Variants in FSHR observed in about 807,000 individuals in gnomAD.
FSHR encodes the protein follicle stimulating hormone receptor.
A neutral mutation model predicts 52.1 loss-of-function variants in FSHR; 46 were observed. The observed-to-expected ratio is 0.88, with a 90% CI of 0.70 to 1.13. The LOEUF is 1.13. Among genes scored for constraint, FSHR ranks in the 50% most tolerant of loss-of-function variants. FSHR has a pLI of 0.00. For missense variants in FSHR, 964 were observed against 834.6 expected (o/e 1.16, Z -1.91); for synonymous variants, 399 against 309.6 (o/e 1.29, Z -3.03).
intron 2 of FSHR, among the ~76,000 whole-genome samples, chr2:49,065,577 C>T (rs1035128047): frequency 2.6e-5 from 4 of 152,050 alleles, no homozygotes; most frequent in Non-Finnish European, 5.9e-5. Flanking sequence ...TAAGCTAGTT[C>T]TGAATATGTT....
At chr2:49,003,909 G>A (rs1666994041) in intron 4 of FSHR, among the ~76,000 whole-genome samples, 4 of 152,076 alleles carry the variant, frequency 2.6e-5, no homozygotes. Context: ...GAGATGGGTA[G>A]CTCTCAATGT....
At chr2:49,078,533 A>G (rs1249303388) in intron 1 of FSHR, among the ~76,000 whole-genome samples, 1 of 152,222 alleles carries the variant, frequency 6.6e-6, no homozygotes, top group Non-Finnish European at 1.5e-5. Flanking sequence ...AATAAATAAT[A>G]CATTATTATC....
chr2:49,071,431 ATCAT>A, intron 1 of FSHR, among the ~76,000 whole-genome samples: 1 of 152,306 alleles, frequency 6.6e-6, no homozygotes, highest in Non-Finnish European at 1.5e-5. Flanking sequence ...AATGTAGAAA[ATCAT>A]TCAAATGTGA....
intron 1 of FSHR, among the ~76,000 whole-genome samples, chr2:49,134,513 C>T (rs1366763138): frequency 6.6e-6 from 1 of 152,126 alleles, no homozygotes; most frequent in Non-Finnish European, 1.5e-5. Flanking sequence ...GTGGTGATTC[C>T]TCAGGGATCT....
At chr2:49,019,042 TAAA>T (rs2104216522) in intron 3 of FSHR, among the ~76,000 whole-genome samples, 1 of 152,364 alleles carries the variant, frequency 6.6e-6, no homozygotes, top group African/African-American at 2.4e-5. Flanking sequence ...TCTTCATCTG[TAAA>T]ATTAGGAGGT....
At chr2:48,997,452 C>G (rs1676072967) in intron 4 of FSHR, 1 of 916,768 alleles carries the variant, frequency 1.1e-6, no homozygotes, top group Non-Finnish European at 1.3e-6. Context: ...ACCTAGCATC[C>G]TAGATTTGCA....
chr2:49,145,442 C>T (rs925776295), intron 1 of FSHR, among the ~76,000 whole-genome samples: 2 of 151,978 alleles, frequency 1.3e-5, no homozygotes, highest in African/African-American at 4.8e-5. Context: ...CTATATAGCC[C>T]CTGAAATCAT....
intron 8 of FSHR, among the ~76,000 whole-genome samples, chr2:48,972,175 C>T (rs1040976105): frequency 1.3e-5 from 2 of 152,142 alleles, no homozygotes; most frequent in Non-Finnish European, 2.9e-5. Flanking sequence ...TCCAGTTGTT[C>T]ATGCAAAAAC....
chr2:49,123,509 T>C (rs1671892160), intron 1 of FSHR, among the ~76,000 whole-genome samples: 1 of 152,088 alleles, frequency 6.6e-6, no homozygotes, highest in Non-Finnish European at 1.5e-5. Context: ...AATAATCAAA[T>C]GTTCTCATCA....
In FSHR at chr2:49,082,986, T is replaced by G. The variant is rs544648077; in HGVS notation, c.153-14696A>C. 4.0e-5 allele frequency among the ~76,000 whole-genome samples: 6 copies of G among 151,456 alleles called. No individual in the cohort carries two copies. The South Asian group carries it at 1.3e-3, about 32-fold the overall frequency. On this transcript the variant is annotated intron_variant, in intron 1 of 9. Transcript: ENST00000406846. ...CAGGCCAACATTCAGATTCAGGAAA[T>G]ACAGAGAACGCCACAAAGATACTCC...
At chr2:49,027,067 G>C (rs963586343) in intron 2 of FSHR, among the ~76,000 whole-genome samples, 1 of 152,058 alleles carries the variant, frequency 6.6e-6, no homozygotes, top group Admixed American at 6.6e-5. Flanking sequence ...CCCTGCCAAC[G>C]GCTCTGTCTG....
At chr2:48,976,459 C>T (rs372416170) in intron 8 of FSHR, among the ~76,000 whole-genome samples, 43 of 152,160 alleles carry the variant, frequency 2.8e-4, no homozygotes, top group African/African-American at 9.4e-4. Context: ...TTTTTCTTGT[C>T]TCTGCCAGGT....
Position 48,963,276 on chromosome 2 carries a change from G to A in FSHR, c.1545C>T (p.Ser515=), listed in dbSNP as rs775795358. The A allele has an allele frequency of 2.5e-6, 4 of 1,614,122 alleles. No individual in the cohort carries two copies. The South Asian group carries it at 4.4e-5, about 18-fold the overall frequency. The change falls in exon 10 of 10, where the codon AGC becomes AGT. Residue 515 remains serine, a synonymous_variant. Coordinates refer to ENST00000406846, the MANE Select transcript of FSHR (RefSeq NM_000145.4). ...TGTCAATATCCATGGGCAGGCAGATGCTCACCTTCATGTAGCTGCTGATGC... is the reference window on the plus strand; with the variant it reads ...TGTCAATATCCATGGGCAGGCAGATACTCACCTTCATGTAGCTGCTGATGC... The part of the protein sequence containing the change: ...IFGISSYMKV[S]ICLPMDIDSP...
intron 1 of FSHR, among the ~76,000 whole-genome samples, chr2:49,100,804 C>A (rs976228): frequency 2.8e-4 from 43 of 152,250 alleles, no homozygotes; most frequent in African/African-American, 9.4e-4. Flanking sequence ...GCAATTCCAA[C>A]TGATACATTG....
Position 49,149,696 on chromosome 2 carries a change from T to G in FSHR, c.152+4570A>C, listed in dbSNP as rs1672995007. On this transcript the variant is annotated intron_variant, in intron 1 of 9. Transcript: ENST00000406846. ...TAAACAAAGACTAACCTAGACACAC[T>G]TTAAAATTCCTAATAATAATCTGTG... Among the ~76,000 whole-genome samples, 4 of 152,118 alleles carry G rather than the reference T, an allele frequency of 2.6e-5. No individual in the cohort carries two copies. In the South Asian group the frequency reaches 8.3e-4, roughly 32 times the overall value.
chr2:49,090,091 T>G (rs12991974), intron 1 of FSHR, among the ~76,000 whole-genome samples: 35,575 of 151,890 alleles, frequency 0.23, 4,282 homozygotes, highest in African/African-American at 0.27. Flanking sequence ...CAAAGCAAGT[T>G]TTTTCTTTTT....
chr2:49,003,088 T>C (rs539133859), intron 4 of FSHR, among the ~76,000 whole-genome samples: 5 of 152,158 alleles, frequency 3.3e-5, no homozygotes, highest in Non-Finnish European at 7.4e-5. Context: ...TTGTGGATTG[T>C]TTTCTGTGGG....
chr2:49,035,702 C>T (rs1668248351), intron 2 of FSHR, among the ~76,000 whole-genome samples: 1 of 152,202 alleles, frequency 6.6e-6, no homozygotes, highest in South Asian at 2.1e-4. Flanking sequence ...TCTCAGGAAT[C>T]TAAGGCCTCA....
intron 1 of FSHR, among the ~76,000 whole-genome samples, chr2:49,136,467 A>G (rs1672492801): frequency 1.3e-5 from 2 of 152,120 alleles, no homozygotes; most frequent in Non-Finnish European, 2.9e-5. Flanking sequence ...ATTATTCACA[A>G]ACTCTTCCCA....
Sources: allele counts gnomAD v4.1 joint callset (sites outside exome capture counted in the v4.1 genomes callset), GRCh38; gene constraint gnomAD v4.1.1; transcripts MANE v1.5; gene names NCBI Gene and HGNC (gene_info 2026-07-23, HGNC 2026-07-21).